ITGA11: variants seen among roughly 807,000 people sequenced by gnomAD.
ITGA11 encodes the protein integrin subunit alpha 11, also known as integrin alpha-11.
Under a neutral mutation model 141.9 loss-of-function variants are expected in ITGA11, and 97 were observed. The ratio of observed to expected loss-of-function variants is 0.68; its 90% CI spans 0.58 to 0.81. The LOEUF is 0.81. Ranked by LOEUF, ITGA11 falls within the 30% of genes least tolerant of loss-of-function variation. The pLI is 0.00. For synonymous variants in ITGA11, 658 were observed against 624.6 expected, an observed-to-expected ratio of 1.05 and a Z score of -0.80; for missense variants, 1,387 against 1,559.2, an observed-to-expected ratio of 0.89 and a Z score of 1.86.
intron 3 of ITGA11, among the ~76,000 whole-genome samples, chr15:68,368,529 G>A (rs925668038): frequency 2.6e-4 from 39 of 152,354 alleles, no homozygotes; most frequent in African/African-American, 8.9e-4. Flanking sequence ...GCTGTTCACA[G>A]CATCTCCCTG....
At chr15:68,416,364 C>G (rs1414657583) in intron 1 of ITGA11, among the ~76,000 whole-genome samples, 2 of 152,126 alleles carry the variant, frequency 1.3e-5, no homozygotes, top group East Asian at 3.8e-4. Flanking sequence ...TAGGCTGAAA[C>G]AGAGACTCAC....
chr15:68,314,577 T>C (rs1484814583), intron 22 of ITGA11, among the ~76,000 whole-genome samples: 1 of 152,220 alleles, frequency 6.6e-6, no homozygotes, highest in Non-Finnish European at 1.5e-5. Flanking sequence ...CACACACAGA[T>C]GTGCCTCCAG....
chr15:68,343,940 G>A lies in ITGA11; in HGVS notation c.1132-4296C>T, dbSNP rs938277706. Among the ~76,000 whole-genome samples the A allele has an allele frequency of 8.5e-5, 13 of 152,170 alleles. No homozygotes were observed. In the South Asian group the frequency reaches 1.0e-3, roughly 12 times the overall value. On this transcript the variant is annotated intron_variant, in intron 10 of 29. Coordinates refer to ENST00000315757, the MANE Select transcript of ITGA11 (RefSeq NM_001004439.2). ...TGGAGGAGGGGCCCTCACCATGTGCGGTGCTGGAATCCGGCAGCTGGGGTG... is the reference window on the plus strand; with the variant it reads ...TGGAGGAGGGGCCCTCACCATGTGCAGTGCTGGAATCCGGCAGCTGGGGTG...
intron 3 of ITGA11, among the ~76,000 whole-genome samples, chr15:68,366,716 C>T (rs1413913872): frequency 6.6e-6 from 1 of 152,170 alleles, no homozygotes; most frequent in African/African-American, 2.4e-5. Flanking sequence ...GAGAGACTCA[C>T]GCCTTCCTCA....
chr15:68,308,517 G>T lies in ITGA11; in HGVS notation c.3175-821C>A, dbSNP rs930554327. On this transcript the variant is annotated intron_variant, in intron 26 of 29. Transcript: ENST00000315757. This position sits in a 1 kb window ranked among gnomAD's most constrained non-coding sequence, Gnocchi z 5.2. The stretch of plus-strand genomic sequence containing the variant: ...AGCACTTTGGGAGGCCAAGGCAGGC[G>T]GATCACAAGGTCAGGAGATCGAGAC... Among the ~76,000 whole-genome samples the T allele has an allele frequency of 6.6e-6, 1 of 152,088 alleles. No homozygotes were observed. Among genetic ancestry groups the T allele is most frequent in the Non-Finnish European group, 1.5e-5 (1 of 68,020 alleles).
intron 1 of ITGA11, among the ~76,000 whole-genome samples, chr15:68,425,930 A>G (rs8043127): frequency 1.3e-5 from 2 of 152,130 alleles, no homozygotes; most frequent in East Asian, 3.8e-4. Context: ...CAACTTGCCT[A>G]ATTCACCCCA....
Position 68,325,226 on chromosome 15 carries a change from C to A in ITGA11, c.2227G>T (p.Val743Leu). Residue 743 changes from valine (V) to leucine (L), a missense_variant, in exon 18 of 30, where the codon GTG becomes TTG. By Grantham distance (32) the Val-to-Leu change is conservative. Transcript: ENST00000315757. The surrounding 1 kb of genome is among the most constrained non-coding windows in gnomAD (Gnocchi z 5.5). ...TCGACTGAGAAGGTCACTGGCTTCA[C>A]GTAGTCAGCAGTGTCCTGGGGGGTG... ...NFHVLDTADY[V>L]KPVTFSVEYS... is the part of the protein sequence containing the mutation. 6.2e-7 allele frequency: 1 copy of A among 1,613,522 alleles called. No homozygotes were observed. Among genetic ancestry groups the A allele is most frequent in the Non-Finnish European group, 8.5e-7 (1 of 1,179,530 alleles).
At chr15:68,310,410 C>T (rs1893342639) in intron 26 of ITGA11, among the ~76,000 whole-genome samples, 1 of 152,012 alleles carries the variant, frequency 6.6e-6, no homozygotes, top group African/African-American at 2.4e-5. Flanking sequence ...AAAACTAAAA[C>T]AGGGAAGATT....
At chr15:68,332,502 G>A (rs768248773) in intron 12 of ITGA11, 24 bp from the exon 13 acceptor site, 1 of 1,607,818 alleles carries the variant, frequency 6.2e-7, no homozygotes, top group Non-Finnish European at 8.5e-7. Flanking sequence ...TGGGAGAGAG[G>A]AGTGGGCTGG....
At position 68,335,737 on chromosome 15, in the gene ITGA11, T is replaced by C. The variant is rs1371655484; in HGVS notation, c.1385A>G (p.Asn462Ser). 2 of 1,613,766 alleles carry C rather than the reference T, an allele frequency of 1.2e-6. No homozygotes were observed. Among genetic ancestry groups the C allele is most frequent in the African/African-American group, 2.7e-5 (2 of 74,932 alleles). ...GKVILFTMHN[N>S]RSLTIHQAMR... Reference sequence around the variant, plus strand: ...AGCCTGGTGGATGGTGAGGCTCCGGTTGTTGTGCATGGTGAACAGGATGAC... The same window carrying C: ...AGCCTGGTGGATGGTGAGGCTCCGGCTGTTGTGCATGGTGAACAGGATGAC... Residue 462 changes from asparagine to serine, a missense_variant, in exon 12 of 30, where the codon AAC (asparagine) becomes AGC (serine). Asn to Ser is a conservative substitution (Grantham distance 46). Coordinates refer to ENST00000315757, the MANE Select transcript of ITGA11 (RefSeq NM_001004439.2). The surrounding 1 kb of genome is among the most constrained non-coding windows in gnomAD (Gnocchi z 4.9).
chr15:68,376,246 G>A (rs569518368), intron 2 of ITGA11, among the ~76,000 whole-genome samples: 1 of 150,086 alleles, frequency 6.7e-6, no homozygotes, highest in South Asian at 2.1e-4. Context: ...TTTCACCTGG[G>A]CTGCTATAAA....
At chr15:68,405,867 T>G (rs984581333) in intron 1 of ITGA11, among the ~76,000 whole-genome samples, 1 of 152,078 alleles carries the variant, frequency 6.6e-6, no homozygotes, top group Non-Finnish European at 1.5e-5. Flanking sequence ...CACACACGTA[T>G]GCACACATGC....
chr15:68,373,519 C>T (rs528569861), intron 2 of ITGA11, among the ~76,000 whole-genome samples: 45 of 152,340 alleles, frequency 3.0e-4, no homozygotes, highest in Non-Finnish European at 5.3e-4. Context: ...ATGTTGACTG[C>T]TTCCCTGGTT....
chr15:68,374,999 C>G (rs1320024727), intron 2 of ITGA11, among the ~76,000 whole-genome samples: 1 of 152,216 alleles, frequency 6.6e-6, no homozygotes, highest in African/African-American at 2.4e-5. Flanking sequence ...GATGAGCCTG[C>G]AGAGAGACAC....
At position 68,322,750 on chromosome 15, in the gene ITGA11, A is replaced by T. The variant is rs982709147; in HGVS notation, c.2323-1247T>A. 2.6e-5 allele frequency among the ~76,000 whole-genome samples: 4 copies of T among 151,744 alleles called. No individual in the cohort carries two copies. Among genetic ancestry groups the T allele is most frequent in the Non-Finnish European group, 4.4e-5 (3 of 67,984 alleles). ...GGGCGCAGTGGCTGCAGTCCCAGCT[A>T]CTCGGGAGGCTGAGGCAGGAGAATT... On this transcript the variant is annotated intron_variant, in intron 18 of 29. Coordinates refer to ENST00000315757, the MANE Select transcript of ITGA11 (RefSeq NM_001004439.2). The surrounding 1 kb of genome is among the most constrained non-coding windows in gnomAD (Gnocchi z 5.6).
intron 2 of ITGA11, among the ~76,000 whole-genome samples, chr15:68,383,267 C>T (rs777425485): frequency 2.0e-5 from 3 of 148,262 alleles, no homozygotes; most frequent in Non-Finnish European, 4.4e-5. Flanking sequence ...CGAGGCTCTG[C>T]CTCAAAAAAA....
intron 10 of ITGA11, among the ~76,000 whole-genome samples, chr15:68,343,541 C>G (rs1461684309): frequency 1.3e-5 from 2 of 152,140 alleles, no homozygotes; most frequent in African/African-American, 4.8e-5. Context: ...TACCAGGTGC[C>G]AGTAATTCTT....
At position 68,309,590 on chromosome 15, in the gene ITGA11, C is replaced by CTTTT. The variant is rs913221357; in HGVS notation, c.3174+1400_3174+1403dup. ...GGAATGTAACCATGTCAATACAGTC[C>CTTTT]TTTTTTTTTTTTTTTTTTTTTTGAG... is the stretch of plus-strand genomic sequence containing the variant. On this transcript the variant is annotated intron_variant, in intron 26 of 29. Transcript: ENST00000315757. Among the ~76,000 whole-genome samples the CTTTT allele has an allele frequency of 1.0e-3, 114 of 108,738 alleles. 1 individual carries two copies. Among genetic ancestry groups the CTTTT allele is most frequent in the African/African-American group, 2.6e-3 (71 of 27,624 alleles). 71.3% of individuals were successfully genotyped at this position (108,738 alleles called of 152,430 possible). A position where few individuals can be genotyped will look rare whatever the true frequency, so the allele number is the denominator to read the frequency against.
intron 14 of ITGA11, 42 bp from the exon 15 acceptor site, chr15:68,331,153 G>C: frequency 6.5e-7 from 1 of 1,528,356 alleles, no homozygotes; most frequent in Non-Finnish European, 8.9e-7. Flanking sequence ...TGCACACTGT[G>C]AGTGTGGGGG....
Sources: gnomAD v4.1 joint callset for allele counts (sites outside exome capture counted in the v4.1 genomes callset) on GRCh38, gnomAD v4.1.1 for gene constraint, Gnocchi (gnomAD v3.1) non-coding constraint, MANE v1.5 for transcripts, NCBI Gene and HGNC (gene_info 2026-07-23, HGNC 2026-07-21) for gene names.